The following PDE6B variants were observed in gnomAD, a reference collection of about 807,000 sequenced individuals.
The protein encoded by PDE6B is phosphodiesterase 6B.
Under a neutral mutation model 109.0 loss-of-function variants are expected in PDE6B, and 106 were observed. The observed-to-expected ratio is 0.97, with a 90% confidence interval of 0.83 to 1.14. The LOEUF (loss-of-function observed/expected upper bound fraction) is 1.14. PDE6B is among the 50% of genes most tolerant of loss of function. The pLI is 0.00. For synonymous variants in PDE6B, 490 were observed against 471.3 expected, an observed-to-expected ratio of 1.04 and a Z score of -0.51; for missense variants, 1,193 against 1,155.6, an observed-to-expected ratio of 1.03 and a Z score of -0.47.
chr4:661,827 G>A, intron 12 of PDE6B: 1 of 441,964 alleles, frequency 2.3e-6, no homozygotes, highest in Non-Finnish European at 4.2e-6. Flanking sequence ...TGCATCCCCA[G>A]GGGTCCTCCT....
At chr4:638,727 A>AGTAATGAGGGGTCCTCGTTACCCTAGCAG (rs1734808550) in intron 3 of PDE6B, among the ~76,000 whole-genome samples, 2 of 152,228 alleles carry the variant, frequency 1.3e-5, no homozygotes, top group African/African-American at 2.4e-5. Flanking sequence ...TGAGGGTCCC[A>AGTAATGAGGGGTCCTCGTTACCCTAGCAG]GTAATGAGGG....
At position 662,420 on chromosome 4, in the gene PDE6B, C is replaced by T. The variant is rs1263970516; in HGVS notation, c.1723-89C>T. 2 of 981,218 alleles carry T rather than the reference C, an allele frequency of 2.0e-6. No homozygotes were observed. Among genetic ancestry groups the T allele is most frequent in the Non-Finnish European group, 3.3e-6 (2 of 614,644 alleles). The allele number at this position is 981,218 out of a possible 1,614,324, so 60.8% of individuals were successfully genotyped here. On this transcript the variant is annotated intron_variant, in intron 13 of 21. Coordinates refer to ENST00000496514, the MANE Select transcript of PDE6B (RefSeq NM_000283.4). This position sits in a 1 kb window ranked among gnomAD's most constrained non-coding sequence, Gnocchi z 4.3. ...CTGCGGTGGTCGGAGGTCCAACCTC[C>T]AACCCGACGCCTAGGTCATCCCAAC...
intron 3 of PDE6B, among the ~76,000 whole-genome samples, chr4:640,718 A>T (rs13101691): frequency 0.029 from 4,423 of 152,254 alleles, 65 homozygotes; most frequent in Middle Eastern, 0.041. Context: ...GTGTGTAAGG[A>T]CTGCATCTAG....
chr4:653,802 G>C (rs1171865687), intron 3 of PDE6B, 50 bp from the exon 4 acceptor site: 3 of 1,605,934 alleles, frequency 1.9e-6, no homozygotes, highest in Non-Finnish European at 2.6e-6. Flanking sequence ...GGTCAGACCG[G>C]CGTGAGGGTG....
chr4:650,396 C>T (rs544661570), intron 3 of PDE6B, among the ~76,000 whole-genome samples: 72 of 152,364 alleles, frequency 4.7e-4, no homozygotes, highest in South Asian at 2.7e-3. Flanking sequence ...ACCCCAGGTG[C>T]GAAGCCTCAC....
At position 654,643 on chromosome 4, in the gene PDE6B, G is replaced by A. The variant is rs544722858; in HGVS notation, c.928-181G>A. ...TGTGGACATGGGTGTGAGTGCACCC[G>A]CATTCGTAGAATACCTGCGCACGGC... On this transcript the variant is annotated intron_variant, in intron 5 of 21. Coordinates refer to ENST00000496514, the MANE Select transcript of PDE6B (RefSeq NM_000283.4). 52 of 687,404 alleles carry A rather than the reference G, an allele frequency of 7.6e-5. 1 individual carries two copies. Among genetic ancestry groups the A allele is most frequent in the African/African-American group, 6.4e-4 (37 of 57,530 alleles). The allele number at this position is 687,404 out of a possible 1,614,324, so 42.6% of individuals were successfully genotyped here.
At chr4:656,774 C>T (rs752365629) in intron 8 of PDE6B, 100 bp from the exon 9 acceptor site, 10 of 1,111,578 alleles carry the variant, frequency 9.0e-6, no homozygotes, top group Admixed American at 1.8e-5. Context: ...CCAGCCGTCA[C>T]GGCTCTAGGG....
In PDE6B at chr4:660,524, C is replaced by G; in HGVS notation, c.1525C>G (p.Leu509Val). 1 of 1,613,494 alleles carries G rather than the reference C, an allele frequency of 6.2e-7. No homozygotes were observed. Among genetic ancestry groups the G allele is most frequent in the Non-Finnish European group, 8.5e-7 (1 of 1,179,560 alleles). ...CATCTACGAATTCCACTTCTCTGAC[C>G]TGGAGTGCACCGAACTGGACCTGGT... The part of the protein sequence containing the change: ...FDIYEFHFSD[L>V]ECTELDLVKC... The change falls in exon 12 of 22, where the codon CTG (leucine) becomes GTG (valine). Residue 509 changes from leucine (L) to valine (V), a missense_variant. By Grantham distance (32) the Leu-to-Val change is conservative (BLOSUM62 1). Coordinates refer to ENST00000496514, the MANE Select transcript of PDE6B (RefSeq NM_000283.4).
At chr4:667,659 C>T (rs1032290766) in intron 20 of PDE6B, among the ~76,000 whole-genome samples, 197 bp from the exon 21 acceptor site, 3 of 152,222 alleles carry the variant, frequency 2.0e-5, no homozygotes, top group Admixed American at 6.5e-5. Context: ...CTAAAGCTCC[C>T]GGCTTCAATG....
intron 10 of PDE6B, 61 bp from the exon 11 acceptor site, chr4:658,891 C>G: frequency 8.1e-7 from 1 of 1,236,656 alleles, no homozygotes. Flanking sequence ...GTGGACGCAC[C>G]GCCGTCACCT....
rs1734684426 is a variant in PDE6B, at chr4:636,411, G to T, written c.711+442G>T. Among the ~76,000 whole-genome samples, 1 of 152,166 alleles carries T rather than the reference G, an allele frequency of 6.6e-6. No individual in the cohort carries two copies. The stretch of plus-strand genomic sequence containing the variant: ...CTGGCTGAGAGAGGGTACGGGGGCA[G>T]GTCTGGCCCTGGCCGAGACGCTGGG... On this transcript the variant is annotated intron_variant, in intron 3 of 21. Coordinates refer to ENST00000496514, the MANE Select transcript of PDE6B (RefSeq NM_000283.4). This position sits in a 1 kb window ranked among gnomAD's most constrained non-coding sequence, Gnocchi z 4.5.
chr4:662,820 C>T lies in PDE6B; in HGVS notation c.1832+202C>T, dbSNP rs1157681825. On this transcript the variant is annotated intron_variant, in intron 14 of 21. Coordinates refer to ENST00000496514, the MANE Select transcript of PDE6B (RefSeq NM_000283.4). The surrounding 1 kb of genome is among the most constrained non-coding windows in gnomAD (Gnocchi z 4.3). Reference sequence around the variant, plus strand: ...GCCTGGGCAACATGGCAAGAGCTCTCCTCTACAAAAACTTAAAAAAAAAAA... The same window carrying T: ...GCCTGGGCAACATGGCAAGAGCTCTTCTCTACAAAAACTTAAAAAAAAAAA... Among the ~76,000 whole-genome samples, 1 of 147,572 alleles carries T rather than the reference C, an allele frequency of 6.8e-6. No individual in the cohort carries two copies. The highest frequency in any genetic ancestry group is 2.5e-5 in the African/African-American group (1 of 39,722).
chr4:635,957 G>T lies in PDE6B; in HGVS notation c.699G>T (p.Thr233=), dbSNP rs148264146. 8.1e-6 allele frequency: 13 copies of T among 1,603,600 alleles called. No homozygotes were observed. In the South Asian group the frequency reaches 9.9e-5, roughly 12 times the overall value. The change falls in exon 3 of 22, where the codon ACG becomes ACT. Residue 233 remains threonine (T), a synonymous_variant. Coordinates refer to ENST00000496514, the MANE Select transcript of PDE6B (RefSeq NM_000283.4). ...TGAGCTACCTCCACAACTGCGAGACGCGCCGCGGCCAGGTACCCACACGCT... is the reference window on the plus strand; with the variant it reads ...TGAGCTACCTCCACAACTGCGAGACTCGCCGCGGCCAGGTACCCACACGCT... ...YHLSYLHNCE[T]RRGQVLLWSA...
At chr4:667,121 C>T (rs1024585846) in intron 20 of PDE6B, among the ~76,000 whole-genome samples, 13 of 152,206 alleles carry the variant, frequency 8.5e-5, no homozygotes, top group African/African-American at 2.7e-4. Flanking sequence ...TCTCTGAGGA[C>T]GCAAGGCGGA....
intron 10 of PDE6B, among the ~76,000 whole-genome samples, chr4:658,040 C>CA (rs1736555391): frequency 9.0e-6 from 1 of 111,174 alleles, no homozygotes. Context: ...CCAGGGGTCA[C>CA]GGCTGTGTGG....
chr4:647,413 T>C (rs1354160110), intron 3 of PDE6B, among the ~76,000 whole-genome samples: 1 of 152,054 alleles, frequency 6.6e-6, no homozygotes, highest in Non-Finnish European at 1.5e-5. Flanking sequence ...TTCCGCGCCC[T>C]TGTTTATGGT....
chr4:635,987 A>G lies in PDE6B; in HGVS notation c.711+18A>G. Reference sequence around the variant, plus strand: ...GCGGCCAGGTACCCACACGCTGAGCACAGCTCTGCCCACGAGGGCCAGGGT... The same window carrying G: ...GCGGCCAGGTACCCACACGCTGAGCGCAGCTCTGCCCACGAGGGCCAGGGT... On this transcript the variant is annotated intron_variant, in intron 3 of 21. Transcript: ENST00000496514. 1 of 1,472,276 alleles carries G rather than the reference A, an allele frequency of 6.8e-7. No homozygotes were observed. The highest frequency in any genetic ancestry group is 1.1e-5 in the South Asian group (1 of 88,290). The allele number at this position is 1,472,276 out of a possible 1,614,324, so 91.2% of individuals were successfully genotyped here.
chr4:662,640 T>C lies in PDE6B; in HGVS notation c.1832+22T>C, dbSNP rs1737245566. On this transcript the variant is annotated intron_variant, in intron 14 of 21. Coordinates refer to ENST00000496514, the MANE Select transcript of PDE6B (RefSeq NM_000283.4). The surrounding 1 kb of genome is among the most constrained non-coding windows in gnomAD (Gnocchi z 4.3). The stretch of plus-strand genomic sequence containing the variant: ...TGAAGTAGGCACCTCAGGGCGGGCA[T>C]GTGAATTAGCCCTAAATCAACTCCA... 5.0e-6 allele frequency: 7 copies of C among 1,409,206 alleles called. No individual in the cohort carries two copies. Among genetic ancestry groups the C allele is most frequent in the Non-Finnish European group, 7.0e-6 (7 of 993,676 alleles). The allele number at this position is 1,409,206 out of a possible 1,614,324, so 87.3% of individuals were successfully genotyped here. A position where few individuals can be genotyped will look rare whatever the true frequency, so the allele number is the denominator to read the frequency against.
At chr4:659,602 TGC>T (rs1470208546) in intron 11 of PDE6B, among the ~76,000 whole-genome samples, 4 of 145,760 alleles carry the variant, frequency 2.7e-5, no homozygotes, top group Admixed American at 1.3e-4. Context: ...GGTATGTGTG[TGC>T]GTGTGTGCAT....
Sources: gnomAD v4.1 joint callset for allele counts (sites outside exome capture counted in the v4.1 genomes callset) on GRCh38, gnomAD v4.1.1 for gene constraint, Gnocchi (gnomAD v3.1) non-coding constraint, MANE v1.5 for transcripts, NCBI Gene and HGNC (gene_info 2026-07-23, HGNC 2026-07-21) for gene names.